RARB: variants seen among roughly 807,000 people sequenced by gnomAD.
RARB encodes the protein retinoic acid receptor beta.
Under a neutral mutation model 51.9 loss-of-function variants are expected in RARB, and 17 were observed. That is an observed-to-expected ratio of 0.33 (90% CI 0.22 to 0.49). The LOEUF (loss-of-function observed/expected upper bound fraction) is 0.49, where lower values mean the gene tolerates loss of function less well. Among genes scored for constraint, RARB ranks in the 20% least tolerant of loss-of-function variants. The probability of loss-of-function intolerance (pLI) is 0.99; values close to 1 mark genes in which losing one functional copy is unlikely to be tolerated. For missense variants in RARB, 369 were observed against 550.8 expected, an observed-to-expected ratio of 0.67 and a Z score of 3.30; for synonymous variants, 215 against 195.4, an observed-to-expected ratio of 1.10 and a Z score of -0.84.
At chr3:25,196,377 A>G (rs1443521978) in intron 5 of RARB, among the ~76,000 whole-genome samples, 2 of 152,210 alleles carry the variant, frequency 1.3e-5, no homozygotes, top group African/African-American at 4.8e-5. Context: ...AGCTTCATCC[A>G]TGTCCCTACA....
intron 3 of RARB, among the ~76,000 whole-genome samples, chr3:25,512,613 C>T (rs904172072): frequency 1.3e-5 from 2 of 152,240 alleles, no homozygotes; most frequent in African/African-American, 4.8e-5. Context: ...GCCTGCTGTT[C>T]TCTCTGCCTG....
intron 4 of RARB, among the ~76,000 whole-genome samples, chr3:25,168,610 GAA>G (rs1700595903): frequency 6.6e-6 from 1 of 151,868 alleles, no homozygotes; most frequent in Non-Finnish European, 1.5e-5. Context: ...GAAAAGACAA[GAA>G]AAACTTTTAG....
intron 5 of RARB, among the ~76,000 whole-genome samples, chr3:25,589,783 C>T (rs1701541917): frequency 6.6e-6 from 1 of 152,202 alleles, no homozygotes; most frequent in Non-Finnish European, 1.5e-5. Flanking sequence ...TCCAACAGGG[C>T]CCTGCTTTGG....
At chr3:25,268,111 G>T (rs1266643220) in intron 5 of RARB, among the ~76,000 whole-genome samples, 2 of 152,106 alleles carry the variant, frequency 1.3e-5, no homozygotes, top group African/African-American at 4.8e-5. Flanking sequence ...AGTGCTTGAG[G>T]TCACAGTCTA....
At chr3:24,951,718 G>A (rs1321703216) in intron 2 of RARB, among the ~76,000 whole-genome samples, 1 of 152,166 alleles carries the variant, frequency 6.6e-6, no homozygotes, top group Non-Finnish European at 1.5e-5. Flanking sequence ...GGAAACCAAT[G>A]CCAATGACCC....
At chr3:25,173,305 C>A (rs1326158720) in intron 4 of RARB, among the ~76,000 whole-genome samples, 1 of 152,136 alleles carries the variant, frequency 6.6e-6, no homozygotes, top group African/African-American at 2.4e-5. Flanking sequence ...CAGCTCAGGG[C>A]AGAAATCACA....
chr3:24,942,761 G>T (rs1695694455), intron 2 of RARB, among the ~76,000 whole-genome samples: 1 of 152,108 alleles, frequency 6.6e-6, no homozygotes. Context: ...TAGTGGCATT[G>T]ATAGAGAAAG....
At chr3:25,365,469 C>T (rs761893955) in intron 5 of RARB, among the ~76,000 whole-genome samples, 4 of 152,034 alleles carry the variant, frequency 2.6e-5, no homozygotes. Flanking sequence ...GTTCCAGTTA[C>T]AATTGTTGTG....
chr3:24,875,710 A>G (rs1703030232), intron 2 of RARB, among the ~76,000 whole-genome samples: 2 of 152,108 alleles, frequency 1.3e-5, no homozygotes, highest in African/African-American at 2.4e-5. Flanking sequence ...TTATAAATCC[A>G]TAATACAATG....
intron 5 of RARB, among the ~76,000 whole-genome samples, chr3:25,204,667 T>A (rs1375656719): frequency 1.3e-5 from 2 of 152,218 alleles, no homozygotes; most frequent in African/African-American, 4.8e-5. Flanking sequence ...GCTGCAGGTC[T>A]GTTGGAGTTT....
At chr3:24,856,590 C>T (rs907552043) in intron 1 of RARB, among the ~76,000 whole-genome samples, 1 of 152,190 alleles carries the variant, frequency 6.6e-6, no homozygotes, top group Non-Finnish European at 1.5e-5. Flanking sequence ...ACTTCTGTAG[C>T]TTCTACCCTC....
chr3:25,052,037 T>C (rs2125300094), intron 2 of RARB, among the ~76,000 whole-genome samples: 1 of 152,308 alleles, frequency 6.6e-6, no homozygotes, highest in African/African-American at 2.4e-5. Flanking sequence ...CCCAGGCTAA[T>C]GGAGGCTCCA....
At chr3:25,202,317 T>C (rs929686714) in intron 5 of RARB, among the ~76,000 whole-genome samples, 7 of 152,174 alleles carry the variant, frequency 4.6e-5, no homozygotes, top group Non-Finnish European at 1.5e-5. Flanking sequence ...TATTTGATTC[T>C]TCTCTCTTTT....
intron 5 of RARB, among the ~76,000 whole-genome samples, chr3:25,244,742 G>A (rs1220811307): frequency 1.3e-5 from 2 of 152,030 alleles, no homozygotes; most frequent in Admixed American, 1.3e-4. Flanking sequence ...TTATGTGGTC[G>A]ATTTTAGTAT....
chr3:25,025,670 TGCCAGGAGGGACATGG>T (rs1697732651), intron 2 of RARB, among the ~76,000 whole-genome samples: 1 of 152,162 alleles, frequency 6.6e-6, no homozygotes, highest in South Asian at 2.1e-4. Flanking sequence ...AGGGACCAGC[TGCCAGGAGGGACATGG>T]GCCCACTGTA....
chr3:24,951,989 CT>C lies in RARB; in HGVS notation c.-380+93238del, dbSNP rs201320752. ...TCTATGCAGTGCATTGCAAATTGCCCTGTATTCAAGTGATTATTGCAATCTT... is the reference window on the plus strand; with the variant it reads ...TCTATGCAGTGCATTGCAAATTGCCCGTATTCAAGTGATTATTGCAATCTT... On this transcript the variant is annotated intron_variant, in intron 2 of 11. Coordinates refer to the RARB transcript ENST00000383772. Among the ~76,000 whole-genome samples, 616 of 152,292 alleles carry C rather than the reference CT, an allele frequency of 4.0e-3. 8 individuals are homozygous for C. Among genetic ancestry groups the C allele is most frequent in the East Asian group, 0.02 (105 of 5,182 alleles).
In RARB at chr3:25,328,258, G is replaced by A. The variant is rs541754475; in HGVS notation, c.179-132935G>A. 3.9e-5 allele frequency among the ~76,000 whole-genome samples: 6 copies of A among 152,344 alleles called. No homozygotes were observed. The East Asian group carries it at 5.8e-4, about 15-fold the overall frequency. On this transcript the variant is annotated intron_variant, in intron 5 of 11. Coordinates refer to the RARB transcript ENST00000383772. ...CTCTAGGCCGGGTGCAGTGGCTTAC[G>A]CCTGTAATCCCAACACTTTGAAAGA...
intron 5 of RARB, among the ~76,000 whole-genome samples, chr3:25,193,203 CACA>C (rs1163493014): frequency 6.6e-6 from 1 of 151,956 alleles, no homozygotes; most frequent in Admixed American, 6.6e-5. Flanking sequence ...TTCCACTGAT[CACA>C]ACTTCTCTGA....
intron 5 of RARB, among the ~76,000 whole-genome samples, chr3:25,193,109 C>A (rs1250616224): frequency 6.6e-6 from 1 of 152,182 alleles, no homozygotes; most frequent in East Asian, 1.9e-4. Flanking sequence ...TGCTAACATT[C>A]CAAGCAATGG....
Sources: allele counts gnomAD v4.1 joint callset (sites outside exome capture counted in the v4.1 genomes callset), GRCh38; gene constraint gnomAD v4.1.1; transcripts MANE v1.5; gene names NCBI Gene and HGNC (gene_info 2026-07-23, HGNC 2026-07-21).